The following PFKFB3 variants were observed in gnomAD, a reference collection of about 807,000 sequenced individuals.
The protein encoded by PFKFB3 is 6-phosphofructo-2-kinase/fructose-2,6-biphosphatase 3.
A neutral mutation model predicts 68.0 loss-of-function variants in PFKFB3; 33 were observed. The observed-to-expected ratio is 0.49, with a 90% CI of 0.37 to 0.65. PFKFB3 has a LOEUF of 0.65. PFKFB3 is among the 30% of genes least tolerant of loss of function. PFKFB3 has a pLI of 0.00. For synonymous variants in PFKFB3, 315 were observed against 288.2 expected (o/e 1.09, Z -0.94); for missense variants, 586 against 712.2 (o/e 0.82, Z 2.02).
intron 1 of PFKFB3, chr10:6,146,589 ATC>A: frequency 8.0e-7 from 1 of 1,242,372 alleles, no homozygotes; most frequent in Non-Finnish European, 1.1e-6. Flanking sequence ...ACAATCATTT[ATC>A]TCTGACTTCA....
At chr10:6,198,364 T>G (rs1843231863), upstream of PFKFB3, among the ~76,000 whole-genome samples, 1 of 152,148 alleles carries the variant, frequency 6.6e-6, no homozygotes, top group African/African-American at 2.4e-5. Flanking sequence ...GGGACTTAAG[T>G]TGAGCAATTT....
intron 1 of PFKFB3, among the ~76,000 whole-genome samples, chr10:6,165,713 G>A (rs1219881096): frequency 1.3e-5 from 2 of 152,090 alleles, no homozygotes; most frequent in African/African-American, 4.8e-5. Flanking sequence ...TAGTTCAGAG[G>A]TACATGTGCA....
At chr10:6,265,418 G>A in the PFKFB3 span, among the ~76,000 whole-genome samples, 3 of 152,002 alleles carry the variant, frequency 2.0e-5, no homozygotes, top group South Asian at 6.2e-4. Context: ...TGTTTTTCAT[G>A]ATATTGACAA....
intron 14 of PFKFB3, chr10:6,231,419 C>A: frequency 6.4e-7 from 1 of 1,567,378 alleles, no homozygotes; most frequent in South Asian, 1.1e-5. Context: ...GTCTCCATGC[C>A]GAGGTTGTTA....
intron 13 of PFKFB3, among the ~76,000 whole-genome samples, chr10:6,224,901 G>GC (rs1332358642): frequency 6.6e-6 from 1 of 151,250 alleles, no homozygotes; most frequent in African/African-American, 2.4e-5. Context: ...GCAGGTCAGC[G>GC]CCGCCATGTG....
chr10:6,236,815 G>A (rs1461673136), downstream of PFKFB3, among the ~76,000 whole-genome samples: 1 of 152,196 alleles, frequency 6.6e-6, no homozygotes, highest in Non-Finnish European at 1.5e-5. Context: ...GATCCACAGG[G>A]GCTCTGACCT....
intron 1 of PFKFB3, among the ~76,000 whole-genome samples, chr10:6,157,313 A>G (rs1315770265): frequency 6.0e-5 from 9 of 149,188 alleles, no homozygotes; most frequent in South Asian, 2.1e-4. Flanking sequence ...TGCAAGCTCC[A>G]CCTCCTGGGT....
the PFKFB3 span, among the ~76,000 whole-genome samples, chr10:6,271,774 G>A: frequency 1.6e-3 from 241 of 152,372 alleles, 1 homozygote; most frequent in African/African-American, 5.5e-3. Flanking sequence ...CCCGTGGGTG[G>A]AGGGTGGAGC....
At chr10:6,230,360 G>T (rs1845660058) in intron 14 of PFKFB3, among the ~76,000 whole-genome samples, 1 of 152,128 alleles carries the variant, frequency 6.6e-6, no homozygotes, top group South Asian at 2.1e-4. Context: ...CCTGCATCTT[G>T]GTTCTACTCC....
At chr10:6,257,323 G>A (rs1846502701), downstream of PFKFB3, among the ~76,000 whole-genome samples, 1 of 152,194 alleles carries the variant, frequency 6.6e-6, no homozygotes, top group African/African-American at 2.4e-5. Flanking sequence ...GGGGGTTCAG[G>A]AAGTTGTGTG....
chr10:6,162,905 C>G (rs557527980), intron 1 of PFKFB3, among the ~76,000 whole-genome samples: 2 of 152,338 alleles, frequency 1.3e-5, no homozygotes, highest in South Asian at 2.1e-4. Context: ...TGTGCCTCTT[C>G]TTGCTACCGG....
intron 1 of PFKFB3, among the ~76,000 whole-genome samples, chr10:6,208,062 G>A (rs912673164): frequency 1.3e-5 from 2 of 152,122 alleles, no homozygotes; most frequent in African/African-American, 4.8e-5. Flanking sequence ...ACAGGTAAAA[G>A]ACAGCCTTTT....
chr10:6,307,676 A>G, the PFKFB3 span, among the ~76,000 whole-genome samples: 3 of 150,452 alleles, frequency 2.0e-5, no homozygotes, highest in Non-Finnish European at 4.4e-5. Context: ...GTCCCGATTG[A>G]GAATCTGAGG....
At chr10:6,277,321 C>T in the PFKFB3 span, among the ~76,000 whole-genome samples, 1 of 151,948 alleles carries the variant, frequency 6.6e-6, no homozygotes, top group Non-Finnish European at 1.5e-5. Flanking sequence ...GCAACCTCCG[C>T]CTCCTGGGTT....
At position 6,212,161 on chromosome 10, in the gene PFKFB3, G is replaced by A. The variant is rs180993430; in HGVS notation, c.77-1462G>A. Reference sequence around the variant, plus strand: ...TGATGAGGACAGCCAGGCTAACCACGTGGCAGTGAGTGCTGGGCCGTGCCG... The same window carrying A: ...TGATGAGGACAGCCAGGCTAACCACATGGCAGTGAGTGCTGGGCCGTGCCG... On this transcript the variant is annotated intron_variant, in intron 1 of 14. Coordinates refer to ENST00000379775, the MANE Select transcript of PFKFB3 (RefSeq NM_004566.4). Among the ~76,000 whole-genome samples, 207 of 152,390 alleles carry A rather than the reference G, an allele frequency of 1.4e-3. 1 individual carries two copies. Among genetic ancestry groups the A allele is most frequent in the African/African-American group, 4.4e-3 (185 of 41,598 alleles).
intron 1 of PFKFB3, among the ~76,000 whole-genome samples, chr10:6,188,251 C>A (rs908106377): frequency 6.6e-5 from 10 of 152,018 alleles, no homozygotes; most frequent in Middle Eastern, 6.8e-3. Flanking sequence ...GATATCAACA[C>A]TGATACAGTT....
chr10:6,209,826 G>A (rs192983803), intron 1 of PFKFB3, among the ~76,000 whole-genome samples: 262 of 147,820 alleles, frequency 1.8e-3, no homozygotes, highest in Non-Finnish European at 3.3e-3. Context: ...GTGCAGTGGC[G>A]TGACCTTGGC....
At chr10:6,309,878 TACA>T in the PFKFB3 span, among the ~76,000 whole-genome samples, 3 of 152,206 alleles carry the variant, frequency 2.0e-5, no homozygotes, top group African/African-American at 4.8e-5. Context: ...CTTTCCTGAA[TACA>T]ACATTTTTTA....
At chr10:6,153,853 A>G (rs1179489923) in intron 1 of PFKFB3, among the ~76,000 whole-genome samples, 2 of 144,026 alleles carry the variant, frequency 1.4e-5, no homozygotes, top group African/African-American at 5.1e-5. Flanking sequence ...GACTCCATCT[A>G]AAAAAAAAAA....
Sources: allele counts gnomAD v4.1 joint callset (sites outside exome capture counted in the v4.1 genomes callset), GRCh38; gene constraint gnomAD v4.1.1; transcripts MANE v1.5; gene names NCBI Gene and HGNC (gene_info 2026-07-23, HGNC 2026-07-21).